TMEM244: variants seen among roughly 807,000 people sequenced by gnomAD.
TMEM244 encodes putative transmembrane protein 244.
In TMEM244, 13 loss-of-function variants were observed where a neutral mutation model predicts 15.8. The observed-to-expected ratio is 0.82, with a 90% CI of 0.53 to 1.30. The LOEUF is 1.30. Among genes scored for constraint, TMEM244 ranks in the 50% most tolerant of loss-of-function variants. The pLI is 0.00. For missense variants in TMEM244, 161 were observed against 144.9 expected (o/e 1.11, Z -0.57); for synonymous variants, 45 against 48.7 (o/e 0.92, Z 0.32).
chr6:129,834,469 T>C (rs939412347), intron 3 of TMEM244, among the ~76,000 whole-genome samples: 3 of 71,262 alleles, frequency 4.2e-5, no homozygotes, highest in East Asian at 2.2e-4. Context: ...AATTCAGGAA[T>C]AAATAAATCT....
In TMEM244 at chr6:129,833,301, T is replaced by G. The variant is rs112141563; in HGVS notation, c.319+159A>C. On this transcript the variant is annotated intron_variant, in intron 4 of 4. Coordinates refer to ENST00000368143, the MANE Select transcript of TMEM244 (RefSeq NM_001010876.2). ...CCCTGAGAAGAGTGGTACAAAAAAA[T>G]TTGGCTGGAAAGAGGGATGAAGACC... Among the ~76,000 whole-genome samples the G allele has an allele frequency of 2.7e-3, 409 of 152,210 alleles. 1 individual carries two copies. Among genetic ancestry groups the G allele is most frequent in the African/African-American group, 9.5e-3 (395 of 41,550 alleles).
chr6:129,831,577 A>G (rs1008973629), intron 4 of TMEM244, among the ~76,000 whole-genome samples, 191 bp from the exon 5 acceptor site: 3 of 152,102 alleles, frequency 2.0e-5, no homozygotes, highest in African/African-American at 7.2e-5. Context: ...AACCTTTACA[A>G]CTCTTCTCCT....
chr6:129,849,825 G>A (rs1776611200), intron 1 of TMEM244, among the ~76,000 whole-genome samples: 3 of 152,090 alleles, frequency 2.0e-5, no homozygotes, highest in Admixed American at 2.0e-4. Flanking sequence ...GGTACAGAGT[G>A]CTATGTAAGC....
chr6:129,853,104 T>G (rs1776656989), intron 1 of TMEM244, among the ~76,000 whole-genome samples: 1 of 152,208 alleles, frequency 6.6e-6, no homozygotes, highest in Non-Finnish European at 1.5e-5. Flanking sequence ...ATGGAGGAAC[T>G]GGTAGAAAAG....
At chr6:129,849,991 C>T (rs1045430774) in intron 1 of TMEM244, among the ~76,000 whole-genome samples, 5 of 152,196 alleles carry the variant, frequency 3.3e-5, no homozygotes, top group Non-Finnish European at 7.3e-5. Context: ...TGCATTACCT[C>T]ATTTAATCCT....
Position 129,861,121 on chromosome 6 carries a change from C to T in TMEM244, c.33+35G>A, listed in dbSNP as rs924883557. 7 of 1,612,510 alleles carry T rather than the reference C, an allele frequency of 4.3e-6. No individual in the cohort carries two copies. The African/African-American group carries it at 9.3e-5, about 22-fold the overall frequency. On this transcript the variant is annotated intron_variant, in intron 1 of 4. Transcript: ENST00000368143. ...CATTTACACCAGTGCTAGGCAGCAACTGAAAGGCAATGCAAAGAAGTAATT... is the reference window on the plus strand; with the variant it reads ...CATTTACACCAGTGCTAGGCAGCAATTGAAAGGCAATGCAAAGAAGTAATT...
At chr6:129,833,052 A>T (rs1389747885) in intron 4 of TMEM244, among the ~76,000 whole-genome samples, 1 of 152,158 alleles carries the variant, frequency 6.6e-6, no homozygotes, top group Non-Finnish European at 1.5e-5. Flanking sequence ...AAGAAAAATG[A>T]TGCAGGGAAA....
intron 1 of TMEM244, among the ~76,000 whole-genome samples, chr6:129,860,808 C>T (rs1307343283): frequency 4.7e-5 from 7 of 149,674 alleles, no homozygotes; most frequent in Non-Finnish European, 1.0e-4. Flanking sequence ...AAAAGCCACT[C>T]CCTGCAAAAA....
intron 1 of TMEM244, among the ~76,000 whole-genome samples, chr6:129,846,933 T>C (rs1776568699): frequency 6.6e-6 from 1 of 152,100 alleles, no homozygotes; most frequent in Non-Finnish European, 1.5e-5. Context: ...GTGAAAATAG[T>C]CTAACTTCTA....
intron 1 of TMEM244, among the ~76,000 whole-genome samples, chr6:129,858,948 C>T (rs552720637): frequency 1.3e-5 from 2 of 152,172 alleles, no homozygotes; most frequent in Admixed American, 1.3e-4. Flanking sequence ...GTGTGCACCA[C>T]CACACCCAGC....
At chr6:129,859,770 C>T (rs1776774418) in intron 1 of TMEM244, among the ~76,000 whole-genome samples, 1 of 152,150 alleles carries the variant, frequency 6.6e-6, no homozygotes, top group Non-Finnish European at 1.5e-5. Flanking sequence ...ATTTAATTAG[C>T]CCAATGCCTG....
At chr6:129,846,918 G>T (rs918698188) in intron 1 of TMEM244, among the ~76,000 whole-genome samples, 1 of 152,136 alleles carries the variant, frequency 6.6e-6, no homozygotes, top group Non-Finnish European at 1.5e-5. Flanking sequence ...TTGACAAATG[G>T]TGCTGTGAAA....
At chr6:129,860,400 A>C (rs1776786534) in intron 1 of TMEM244, among the ~76,000 whole-genome samples, 1 of 152,158 alleles carries the variant, frequency 6.6e-6, no homozygotes, top group African/African-American at 2.4e-5. Context: ...GTCATGCTCA[A>C]CATTTCTCAC....
At chr6:129,838,461 T>C (rs533542245) in intron 3 of TMEM244, among the ~76,000 whole-genome samples, 1 of 152,266 alleles carries the variant, frequency 6.6e-6, no homozygotes, top group African/African-American at 2.4e-5. Flanking sequence ...TTTATAGCAC[T>C]AAATGCCCAC....
chr6:129,860,127 GTGTGTGTGTGTGTGTGTGTGTC>G (rs1410401995), intron 1 of TMEM244, among the ~76,000 whole-genome samples: 4 of 145,266 alleles, frequency 2.8e-5, no homozygotes, highest in Non-Finnish European at 6.1e-5. Flanking sequence ...GTGTGTGTGT[GTGTGTGTGTGTGTGTGTGTGTC>G]TGTCTGTCTG....
At chr6:129,844,208 A>G (rs1360737166) in intron 2 of TMEM244, among the ~76,000 whole-genome samples, 1 of 152,208 alleles carries the variant, frequency 6.6e-6, no homozygotes, top group African/African-American at 2.4e-5. Context: ...GCTGACTTGG[A>G]TGACAGCCAA....
chr6:129,849,652 T>C (rs1485795849), intron 1 of TMEM244, among the ~76,000 whole-genome samples: 2 of 152,122 alleles, frequency 1.3e-5, no homozygotes, highest in African/African-American at 4.8e-5. Flanking sequence ...TGTTTCTGAT[T>C]TGGTAATTCT....
At chr6:129,845,977 A>G in intron 1 of TMEM244, 125 bp from the exon 2 acceptor site, 1 of 634,760 alleles carries the variant, frequency 1.6e-6, no homozygotes, top group Non-Finnish European at 2.7e-6. Flanking sequence ...TTGCTTAAGG[A>G]CCCATGGAAT....
rs1776604077 is a variant in TMEM244, at chr6:129,849,261, T to C, written c.34-3409A>G. Among the ~76,000 whole-genome samples the C allele has an allele frequency of 1.3e-5, 2 of 152,172 alleles. 1 individual carries two copies. The highest frequency in any genetic ancestry group is 4.1e-4 in the South Asian group (2 of 4,830). On this transcript the variant is annotated intron_variant, in intron 1 of 4. Transcript: ENST00000368143. ...AAATATTTGGAAAAGCAAGGCATAA[T>C]TTTTGTAAACAATTTTTCTACCTGA...
Sources: gnomAD v4.1 joint callset for allele counts (sites outside exome capture counted in the v4.1 genomes callset) on GRCh38, gnomAD v4.1.1 for gene constraint, MANE v1.5 for transcripts, NCBI Gene and HGNC (gene_info 2026-07-23, HGNC 2026-07-21) for gene names.